The following MYRIP variants were observed in gnomAD, a reference collection of about 807,000 sequenced individuals.
The protein encoded by MYRIP is myosin VIIA and Rab interacting protein.
MYRIP carries 49 observed loss-of-function variants against 98.0 expected under a neutral mutation model. That is an observed-to-expected ratio of 0.50 (90% CI 0.40 to 0.63). MYRIP has a LOEUF of 0.63. MYRIP is among the 30% of genes least tolerant of loss of function. MYRIP has a pLI of 0.00. For missense variants in MYRIP, 1,004 were observed against 1,058.2 expected, an observed-to-expected ratio of 0.95 and a Z score of 0.71; for synonymous variants, 404 against 409.5, an observed-to-expected ratio of 0.99 and a Z score of 0.16.
At chr3:39,835,963 TG>T in intron 1 of MYRIP, among the ~76,000 whole-genome samples, 1 of 152,332 alleles carries the variant, frequency 6.6e-6, no homozygotes, top group African/African-American at 2.4e-5. Flanking sequence ...ATGATGTATA[TG>T]TGCCACATTT....
At chr3:40,082,111 A>T (rs967302181) in intron 3 of MYRIP, among the ~76,000 whole-genome samples, 7 of 152,216 alleles carry the variant, frequency 4.6e-5, no homozygotes, top group African/African-American at 1.7e-4. Flanking sequence ...GTTGTCAAGG[A>T]TGTGGAGGAA....
At chr3:40,117,237 G>A (rs1266414116) in intron 3 of MYRIP, among the ~76,000 whole-genome samples, 3 of 152,212 alleles carry the variant, frequency 2.0e-5, no homozygotes. Flanking sequence ...CACCGGTTAT[G>A]TAAAAGCAGG....
intron 3 of MYRIP, among the ~76,000 whole-genome samples, chr3:40,087,752 GA>G (rs1383954293): frequency 6.6e-6 from 1 of 152,246 alleles, no homozygotes; most frequent in African/African-American, 2.4e-5. Context: ...TCTGGATCCA[GA>G]ACGAGTCTGC....
At chr3:39,851,980 T>C (rs1037314719) in intron 1 of MYRIP, among the ~76,000 whole-genome samples, 14 of 152,276 alleles carry the variant, frequency 9.2e-5, no homozygotes, top group African/African-American at 3.1e-4. Flanking sequence ...AGGAGAGCCA[T>C]TTGTGGGCTA....
In MYRIP at chr3:40,054,159, A is replaced by G. The variant is rs111443259; in HGVS notation, c.332+9888A>G. ...AGAAGTCTGTGTTCTTAGTGAAAGT[A>G]TATACCATGACCTTGCACATGAGGT... On this transcript the variant is annotated intron_variant, in intron 3 of 16. Transcript: ENST00000302541. 8.9e-4 allele frequency among the ~76,000 whole-genome samples: 136 copies of G among 152,320 alleles called. 1 individual carries two copies. Among genetic ancestry groups the G allele is most frequent in the African/African-American group, 3.2e-3 (131 of 41,574 alleles).
Position 40,079,508 on chromosome 3 carries a change from C to A in MYRIP, c.332+35237C>A, listed in dbSNP as rs141837709. On this transcript the variant is annotated intron_variant, in intron 3 of 16. Transcript: ENST00000302541. ...CTGTCAGAGACAGCCCAGACCTTAA[C>A]CTTAAAGTAGGTACATTCAGCTTTC... Among the ~76,000 whole-genome samples the A allele has an allele frequency of 1.8e-4, 27 of 152,316 alleles. No homozygotes were observed. The East Asian group carries it at 5.2e-3, about 29-fold the overall frequency.
chr3:39,879,772 C>T (rs1943112142), intron 1 of MYRIP, among the ~76,000 whole-genome samples: 1 of 152,174 alleles, frequency 6.6e-6, no homozygotes, highest in Non-Finnish European at 1.5e-5. Flanking sequence ...TCACGGTTCA[C>T]TGGCCTCCTT....
At chr3:40,211,082 T>G (rs1399391896) in intron 11 of MYRIP, among the ~76,000 whole-genome samples, 1 of 152,152 alleles carries the variant, frequency 6.6e-6, no homozygotes, top group Non-Finnish European at 1.5e-5. Context: ...AAGAGGAAAC[T>G]GAACCTGAGT....
chr3:40,138,181 AATCACTC>A (rs1949820892), intron 3 of MYRIP, among the ~76,000 whole-genome samples: 1 of 152,190 alleles, frequency 6.6e-6, no homozygotes, highest in Non-Finnish European at 1.5e-5. Context: ...CCCTCCTAAG[AATCACTC>A]ATTTGCAGCA....
intron 1 of MYRIP, among the ~76,000 whole-genome samples, chr3:39,876,268 A>C (rs1223028869): frequency 6.6e-6 from 1 of 152,176 alleles, no homozygotes; most frequent in Non-Finnish European, 1.5e-5. Flanking sequence ...TGAATACAGC[A>C]CACTGTTGGG....
At chr3:40,132,408 C>A (rs1250419598) in intron 3 of MYRIP, among the ~76,000 whole-genome samples, 2 of 108,500 alleles carry the variant, frequency 1.8e-5, no homozygotes, top group Non-Finnish European at 4.1e-5. Flanking sequence ...AGACACTCTG[C>A]TTTTGCCACC....
intron 3 of MYRIP, among the ~76,000 whole-genome samples, chr3:40,073,417 G>T (rs989676109): frequency 6.6e-6 from 1 of 152,182 alleles, no homozygotes; most frequent in African/African-American, 2.4e-5. Flanking sequence ...CTCTGACTTT[G>T]CTTATCTGGT....
chr3:40,131,159 G>A (rs992873376), intron 3 of MYRIP, among the ~76,000 whole-genome samples: 2 of 152,108 alleles, frequency 1.3e-5, no homozygotes, highest in African/African-American at 4.8e-5. Context: ...AAAACAAATG[G>A]GAATACAGCT....
intron 1 of MYRIP, among the ~76,000 whole-genome samples, chr3:39,835,644 G>A (rs1209965819): frequency 1.3e-5 from 2 of 152,146 alleles, no homozygotes; most frequent in African/African-American, 4.8e-5. Flanking sequence ...TGCAGAACGT[G>A]CAGGTTTGTT....
chr3:40,207,486 T>C (rs1951817593), intron 10 of MYRIP, among the ~76,000 whole-genome samples: 1 of 152,222 alleles, frequency 6.6e-6, no homozygotes, highest in Non-Finnish European at 1.5e-5. Context: ...AATAGATGTT[T>C]TTCTCTTAAT....
chr3:40,127,858 C>T (rs1949554390), intron 3 of MYRIP, among the ~76,000 whole-genome samples: 1 of 152,222 alleles, frequency 6.6e-6, no homozygotes, highest in Non-Finnish European at 1.5e-5. Flanking sequence ...CAGGATGCTA[C>T]TCCTGGTAAC....
At chr3:40,077,858 C>T (rs1006771588) in intron 3 of MYRIP, among the ~76,000 whole-genome samples, 1 of 152,256 alleles carries the variant, frequency 6.6e-6, no homozygotes, top group Non-Finnish European at 1.5e-5. Flanking sequence ...CAGTGGATCC[C>T]GCACCGGGGC....
intron 2 of MYRIP, among the ~76,000 whole-genome samples, chr3:39,948,647 G>C (rs1944948841): frequency 6.6e-6 from 1 of 151,992 alleles, no homozygotes; most frequent in South Asian, 2.1e-4. Context: ...ATATGAAAGA[G>C]AGGTTAAGAG....
chr3:40,104,923 T>C (rs1338046465), intron 3 of MYRIP, among the ~76,000 whole-genome samples: 1 of 152,210 alleles, frequency 6.6e-6, no homozygotes, highest in African/African-American at 2.4e-5. Flanking sequence ...TTTCAACTTT[T>C]TTTCATTTTC....
Sources: gnomAD v4.1 joint callset for allele counts (sites outside exome capture counted in the v4.1 genomes callset) on GRCh38, gnomAD v4.1.1 for gene constraint, MANE v1.5 for transcripts, NCBI Gene and HGNC (gene_info 2026-07-23, HGNC 2026-07-21) for gene names.